The following TRPM3 variants were observed in gnomAD, a reference collection of about 807,000 sequenced individuals.
TRPM3 encodes the protein transient receptor potential cation channel subfamily M member 3, also known as long transient receptor potential channel 3.
TRPM3 carries 77 observed loss-of-function variants against 181.2 expected under a neutral mutation model. That is an observed-to-expected ratio of 0.42 (90% CI 0.35 to 0.51). The LOEUF is 0.51. Ranked by LOEUF, TRPM3 falls within the 20% of genes least tolerant of loss-of-function variation. TRPM3 has a pLI of 0.01. For missense variants in TRPM3, 1,759 were observed against 2,196.7 expected (o/e 0.80, Z 3.98); for synonymous variants, 745 against 796.4 (o/e 0.94, Z 1.09).
intron 1 of TRPM3, among the ~76,000 whole-genome samples, chr9:71,383,451 G>C (rs917086491): frequency 2.0e-5 from 3 of 152,112 alleles, no homozygotes; most frequent in African/African-American, 7.2e-5. Flanking sequence ...AGACTGAAAG[G>C]GTGGAGAGAG....
At chr9:70,886,436 C>T (rs2096083456) in intron 1 of TRPM3, among the ~76,000 whole-genome samples, 1 of 152,128 alleles carries the variant, frequency 6.6e-6, no homozygotes, top group African/African-American at 2.4e-5. Flanking sequence ...CCCTCAGTGC[C>T]TTGTGCCTTT....
chr9:71,207,764 T>A (rs998126950), intron 1 of TRPM3, among the ~76,000 whole-genome samples: 1 of 152,212 alleles, frequency 6.6e-6, no homozygotes, highest in Non-Finnish European at 1.5e-5. Flanking sequence ...GTCTTTTTAA[T>A]GCTTTTCAAC....
intron 1 of TRPM3, among the ~76,000 whole-genome samples, chr9:71,289,599 G>C (rs187500131): frequency 2.8e-4 from 43 of 152,226 alleles, no homozygotes; most frequent in Non-Finnish European, 5.6e-4. Flanking sequence ...CAAGCACAGT[G>C]GCTCACGCCT....
Position 70,610,762 on chromosome 9 carries a change from A to G in TRPM3, c.2527-13T>C, listed in dbSNP as rs201994366. 9 of 1,613,932 alleles carry G rather than the reference A, an allele frequency of 5.6e-6. No individual in the cohort carries two copies. The Admixed American group carries it at 6.7e-5, about 12-fold the overall frequency. ...GTCCCAACATTGCCTATGTTGGAAG[A>G]GAATCGATACCATCATGACAGGGCT... On this transcript the variant is annotated splice_polypyrimidine_tract_variant and intron_variant, in intron 18 of 25. Coordinates refer to ENST00000677713, the MANE Select transcript of TRPM3 (RefSeq NM_001366145.2).
chr9:71,147,597 C>G (rs2075493961), intron 1 of TRPM3, among the ~76,000 whole-genome samples: 1 of 152,166 alleles, frequency 6.6e-6, no homozygotes, highest in African/African-American at 2.4e-5. Context: ...CTCAAGAGAT[C>G]TGCGTTGAGT....
At chr9:71,189,435 C>T (rs2134986201) in intron 1 of TRPM3, among the ~76,000 whole-genome samples, 1 of 151,952 alleles carries the variant, frequency 6.6e-6, no homozygotes. Flanking sequence ...TGCATATACA[C>T]CCATCCTTAA....
chr9:70,557,263 GTCAGGA>G lies in TRPM3; in HGVS notation c.3224-3959_3224-3954del, dbSNP rs2047940396. Among the ~76,000 whole-genome samples the G allele has an allele frequency of 2.6e-5, 4 of 152,326 alleles. No individual in the cohort carries two copies. The South Asian group carries it at 8.3e-4, about 32-fold the overall frequency. ...CCTGGCCATACAGAGCAGTCTGGTA[GTCAGGA>G]CCAGCCTGAGGAACATTATCTAGTT... On this transcript the variant is annotated intron_variant, in intron 22 of 25. Transcript: ENST00000677713.
At chr9:71,378,544 T>C (rs1000160992) in intron 1 of TRPM3, among the ~76,000 whole-genome samples, 3 of 152,078 alleles carry the variant, frequency 2.0e-5, no homozygotes, top group Non-Finnish European at 4.4e-5. Flanking sequence ...CAATCGCTTA[T>C]TGAACACCTA....
chr9:70,652,672 G>A (rs1417139416), intron 9 of TRPM3, among the ~76,000 whole-genome samples: 3 of 152,184 alleles, frequency 2.0e-5, no homozygotes, highest in Admixed American at 1.3e-4. Flanking sequence ...TAGGCTCAGA[G>A]AGGCAGAGTA....
intron 1 of TRPM3, among the ~76,000 whole-genome samples, chr9:71,202,558 G>A (rs1290152163): frequency 6.6e-6 from 1 of 152,124 alleles, no homozygotes; most frequent in Non-Finnish European, 1.5e-5. Context: ...CTGCCTTTTG[G>A]TTTATGTTTA....
At chr9:70,548,007 G>T (rs766479822) in intron 25 of TRPM3, among the ~76,000 whole-genome samples, 20 of 152,156 alleles carry the variant, frequency 1.3e-4, no homozygotes, top group Non-Finnish European at 2.8e-4. Context: ...AGCCTTCCTT[G>T]CATCTTAACA....
chr9:70,618,807 G>T, intron 17 of TRPM3, 60 bp downstream of exon 17: 1 of 1,489,370 alleles, frequency 6.7e-7, no homozygotes, highest in Non-Finnish European at 9.2e-7. Flanking sequence ...TTTTGGCTGG[G>T]AAAACTCTAA....
intron 1 of TRPM3, among the ~76,000 whole-genome samples, chr9:71,438,542 G>A (rs372881602): frequency 2.2e-4 from 33 of 151,986 alleles, no homozygotes; most frequent in Non-Finnish European, 3.1e-4. Context: ...GTGTGGTGGC[G>A]CATGCATGTA....
intron 1 of TRPM3, among the ~76,000 whole-genome samples, chr9:71,417,363 T>G (rs988094366): frequency 6.6e-6 from 1 of 151,974 alleles, no homozygotes; most frequent in African/African-American, 2.4e-5. Context: ...CTCATTATGG[T>G]TTTAACTTGA....
chr9:70,818,621 G>A (rs1371383744), intron 6 of TRPM3, among the ~76,000 whole-genome samples: 1 of 152,182 alleles, frequency 6.6e-6, no homozygotes, highest in Non-Finnish European at 1.5e-5. Flanking sequence ...GGGTGCGGCC[G>A]AATTGGAAAT....
intron 1 of TRPM3, among the ~76,000 whole-genome samples, chr9:71,015,975 T>C (rs1396091350): frequency 6.6e-6 from 1 of 151,832 alleles, no homozygotes; most frequent in African/African-American, 2.4e-5. Context: ...GGGAGGCGGA[T>C]CACGAGGTCA....
Position 70,785,009 on chromosome 9 carries a change from G to T in TRPM3, c.974-730C>A, listed in dbSNP as rs1051292945. ...CCCAAGTAGCTGGGATTATAGGCAC[G>T]TCCACCATGCTCAGCTAATTTTTGT... On this transcript the variant is annotated intron_variant, in intron 6 of 25. Transcript: ENST00000677713. Among the ~76,000 whole-genome samples the T allele has an allele frequency of 3.9e-5, 6 of 152,176 alleles. No individual in the cohort carries two copies. The East Asian group carries it at 9.7e-4, about 25-fold the overall frequency.
intron 20 of TRPM3, among the ~76,000 whole-genome samples, chr9:70,602,106 C>CTTTTTTTTTT (rs6151027): frequency 1.2e-4 from 15 of 128,176 alleles, no homozygotes; most frequent in South Asian, 2.5e-4. Context: ...CAAGGCATTC[C>CTTTTTTTTTT]TTTTTTTTTT....
chr9:70,908,071 A>G (rs2096491552), intron 1 of TRPM3, among the ~76,000 whole-genome samples: 1 of 152,170 alleles, frequency 6.6e-6, no homozygotes, highest in South Asian at 2.1e-4. Flanking sequence ...GTATCTATCT[A>G]GTAAAGGGAT....
Sources: gnomAD v4.1 joint callset for allele counts (sites outside exome capture counted in the v4.1 genomes callset) on GRCh38, gnomAD v4.1.1 for gene constraint, MANE v1.5 for transcripts, NCBI Gene and HGNC (gene_info 2026-07-23, HGNC 2026-07-21) for gene names.